SAMD8: variants seen among roughly 807,000 people sequenced by gnomAD.
SAMD8 encodes the protein sterile alpha motif domain containing 8, also known as sphingomyelin synthase-related protein 1.
A neutral mutation model predicts 42.0 loss-of-function variants in SAMD8; 20 were observed. That is an observed-to-expected ratio of 0.48 (90% CI 0.34 to 0.69). The LOEUF (loss-of-function observed/expected upper bound fraction) is 0.69. Among genes scored for constraint, SAMD8 ranks in the 30% least tolerant of loss-of-function variants. The probability of loss-of-function intolerance (pLI) is 0.01; values close to 1 mark genes in which losing one functional copy is unlikely to be tolerated. For missense variants in SAMD8, 328 were observed against 511.6 expected (o/e 0.64, Z 3.46); for synonymous variants, 162 against 173.0 (o/e 0.94, Z 0.50).
intron 4 of SAMD8, among the ~76,000 whole-genome samples, chr10:75,170,077 C>T (rs1390141549): frequency 6.6e-6 from 1 of 152,126 alleles, no homozygotes; most frequent in Non-Finnish European, 1.5e-5. Flanking sequence ...TCTCATTAAA[C>T]AGAAGAAATT....
Position 75,121,770 on chromosome 10 carries a change from C to T in SAMD8, c.-16+10048C>T, listed in dbSNP as rs138925782. ...GCAGTGGTGCGATCTTGGCTCACTG[C>T]AACCTCTGCCTCCCAGGTTCAAGCG... On this transcript the variant is annotated intron_variant, in intron 1 of 5. Transcript: ENST00000542569. Among the ~76,000 whole-genome samples, 484 of 152,246 alleles carry T rather than the reference C, an allele frequency of 3.2e-3. 1 individual carries two copies. Among genetic ancestry groups the T allele is most frequent in the African/African-American group, 0.011 (441 of 41,534 alleles).
At chr10:75,143,246 C>T (rs1324097067) in intron 1 of SAMD8, among the ~76,000 whole-genome samples, 1 of 152,182 alleles carries the variant, frequency 6.6e-6, no homozygotes, top group Admixed American at 6.5e-5. Context: ...GCAGAGGTTG[C>T]AGTGAGCCTA....
intron 1 of SAMD8, among the ~76,000 whole-genome samples, chr10:75,120,210 T>G (rs1172914888): frequency 6.6e-6 from 1 of 152,376 alleles, no homozygotes; most frequent in East Asian, 1.9e-4. Context: ...TCCCAAACTG[T>G]ACAGAAGTGC....
chr10:75,172,324 T>G (rs1840887050), intron 4 of SAMD8, among the ~76,000 whole-genome samples: 1 of 152,228 alleles, frequency 6.6e-6, no homozygotes, highest in South Asian at 2.1e-4. Flanking sequence ...GGGGAGATTT[T>G]ATTGTATTTT....
chr10:75,176,019 C>T lies in SAMD8; in HGVS notation c.793-47C>T, dbSNP rs764836625. On this transcript the variant is annotated intron_variant, in intron 4 of 5. Transcript: ENST00000542569. The surrounding 1 kb of genome is among the most constrained non-coding windows in gnomAD (Gnocchi z 4.3). ...ATAGGAATGGATGTTGGGAAGTTCC[C>T]ACCTCCCTAAGCATTTGAAGCACTA... 4 of 1,571,576 alleles carry T rather than the reference C, an allele frequency of 2.5e-6. No individual in the cohort carries two copies. Among genetic ancestry groups the T allele is most frequent in the Non-Finnish European group, 3.4e-6 (4 of 1,159,758 alleles).
intron 2 of SAMD8, among the ~76,000 whole-genome samples, chr10:75,153,217 A>C (rs540322588): frequency 6.6e-6 from 1 of 152,036 alleles, no homozygotes; most frequent in South Asian, 2.1e-4. Flanking sequence ...CCTGACCTCA[A>C]ATGATCCGCC....
At chr10:75,171,219 T>C (rs1840857955) in intron 4 of SAMD8, among the ~76,000 whole-genome samples, 1 of 129,024 alleles carries the variant, frequency 7.8e-6, no homozygotes. Context: ...CAGGCGGGAG[T>C]GCAGTGGCAC....
chr10:75,136,759 A>G (rs1238220546), intron 1 of SAMD8, among the ~76,000 whole-genome samples: 8 of 152,224 alleles, frequency 5.3e-5, no homozygotes, highest in Non-Finnish European at 8.8e-5. Flanking sequence ...AAACATAGGC[A>G]AAAGACTTGA....
chr10:75,151,854 T>C (rs1840295704), intron 2 of SAMD8, among the ~76,000 whole-genome samples: 1 of 152,090 alleles, frequency 6.6e-6, no homozygotes, highest in Non-Finnish European at 1.5e-5. Context: ...GCCCAGCTAC[T>C]TTTTTTGTAT....
chr10:75,109,201 T>G, upstream of SAMD8: 1 of 1,497,564 alleles, frequency 6.7e-7, no homozygotes, highest in South Asian at 1.3e-5. Context: ...CACTCCTCTC[T>G]GCCTCTCCAG....
Position 75,165,151 on chromosome 10 carries a change from G to A in SAMD8, c.674+411G>A, listed in dbSNP as rs182913424. On this transcript the variant is annotated intron_variant, in intron 3 of 5. Coordinates refer to ENST00000542569, the MANE Select transcript of SAMD8 (RefSeq NM_001174156.2). ...ACTAAAAATACAAAATTAACTGGGC[G>A]TGGTGGCGCATGCCTATAATCCCAG... Among the ~76,000 whole-genome samples, 373 of 152,280 alleles carry A rather than the reference G, an allele frequency of 2.4e-3. 2 individuals carry two copies. Among genetic ancestry groups the A allele is most frequent in the Non-Finnish European group, 3.7e-3 (253 of 68,018 alleles).
At chr10:75,172,336 G>A (rs1564696982) in intron 4 of SAMD8, among the ~76,000 whole-genome samples, 1 of 151,912 alleles carries the variant, frequency 6.6e-6, no homozygotes, top group Non-Finnish European at 1.5e-5. Context: ...TTGTATTTTA[G>A]TCATTGTTTT....
chr10:75,103,547 A>T (rs1455115689), intron 1 of SAMD8, among the ~76,000 whole-genome samples: 1 of 152,174 alleles, frequency 6.6e-6, no homozygotes, highest in African/African-American at 2.4e-5. Context: ...AGGACCTTCA[A>T]TTGGGCCTAC....
chr10:75,175,481 A>G (rs1233639241), intron 4 of SAMD8, among the ~76,000 whole-genome samples: 1 of 152,038 alleles, frequency 6.6e-6, no homozygotes, highest in Non-Finnish European at 1.5e-5. Context: ...TTATAAAGGA[A>G]CTCCTAGTAA....
At chr10:75,111,551 G>A (rs968777740), upstream of SAMD8, 381 of 1,244,762 alleles carry the variant, frequency 3.1e-4, no homozygotes, top group Non-Finnish European at 3.7e-4. Flanking sequence ...CCGGGACGAT[G>A]CCTGCGCGCA....
upstream of SAMD8, among the ~76,000 whole-genome samples, chr10:75,106,725 T>G (rs1467504235): frequency 1.3e-5 from 2 of 152,234 alleles, no homozygotes; most frequent in African/African-American, 4.8e-5. Context: ...TCCTGCTTCT[T>G]AAAGTCTGGA....
intron 2 of SAMD8, among the ~76,000 whole-genome samples, chr10:75,153,392 C>T (rs527422188): frequency 1.3e-5 from 2 of 152,092 alleles, no homozygotes; most frequent in Admixed American, 1.3e-4. Context: ...GGTGGGATCA[C>T]CTGAGGTCAG....
chr10:75,121,892 A>T (rs905153400), intron 1 of SAMD8, among the ~76,000 whole-genome samples: 5 of 152,200 alleles, frequency 3.3e-5, no homozygotes, highest in Non-Finnish European at 2.9e-5. Context: ...GCATTTCACC[A>T]TGTTGGCCAG....
At position 75,164,666 on chromosome 10, in the gene SAMD8, C is replaced by T; in HGVS notation, c.600C>T (p.Ala200=). 1 of 1,614,066 alleles carries T rather than the reference C, an allele frequency of 6.2e-7. No homozygotes were observed. The highest frequency in any genetic ancestry group is 8.5e-7 in the Non-Finnish European group (1 of 1,179,982). The change falls in exon 3 of 6, where the codon GCC becomes GCT. Residue 200 remains alanine (A), a synonymous_variant. Transcript: ENST00000542569. ...FLDSVPRIPW[A]FAMTEVCGMI... ...CCAGCGTTCCTAGAATCCCATGGGCCTTTGCCATGACGGAAGTATGTGGCA... is the reference window on the plus strand; with the variant it reads ...CCAGCGTTCCTAGAATCCCATGGGCTTTTGCCATGACGGAAGTATGTGGCA...
Sources: gnomAD v4.1 joint callset for allele counts (sites outside exome capture counted in the v4.1 genomes callset) on GRCh38, gnomAD v4.1.1 for gene constraint, Gnocchi (gnomAD v3.1) non-coding constraint, MANE v1.5 for transcripts, NCBI Gene and HGNC (gene_info 2026-07-23, HGNC 2026-07-21) for gene names.